The following DLGAP1 variants were observed in gnomAD, a reference collection of about 807,000 sequenced individuals.
DLGAP1 encodes DLG associated protein 1.
Under a neutral mutation model 90.8 loss-of-function variants are expected in DLGAP1, and 11 were observed. The ratio of observed to expected loss-of-function variants is 0.12; its 90% CI spans 0.08 to 0.20. The LOEUF is 0.20. DLGAP1 is among the 10% of genes least tolerant of loss of function. The pLI is 1.00. For synonymous variants in DLGAP1, 558 were observed against 540.7 expected, an observed-to-expected ratio of 1.03 and a Z score of -0.44; for missense variants, 1,050 against 1,333.8, an observed-to-expected ratio of 0.79 and a Z score of 3.31.
At chr18:4,096,855 GTT>G (rs201864773) in intron 2 of DLGAP1, among the ~76,000 whole-genome samples, 5,387 of 152,230 alleles carry the variant, frequency 0.035, 349 homozygotes, top group African/African-American at 0.12. Flanking sequence ...CTGTATTTCA[GTT>G]TACCTAACTA....
intron 1 of DLGAP1, among the ~76,000 whole-genome samples, chr18:4,230,281 T>C (rs2078273164): frequency 6.6e-6 from 1 of 152,134 alleles, no homozygotes; most frequent in Non-Finnish European, 1.5e-5. Context: ...CACTGCTAGA[T>C]ATATTATGCA....
intron 5 of DLGAP1, among the ~76,000 whole-genome samples, chr18:3,757,626 G>A (rs1488870474): frequency 6.6e-6 from 1 of 152,148 alleles, no homozygotes; most frequent in Non-Finnish European, 1.5e-5. Context: ...CCATATTAAG[G>A]AAACAAAGGA....
At chr18:3,563,220 T>C (rs75987914) in intron 9 of DLGAP1, among the ~76,000 whole-genome samples, 778 of 152,348 alleles carry the variant, frequency 5.1e-3, no homozygotes, top group Non-Finnish European at 9.2e-3. Flanking sequence ...AGTTTGAATA[T>C]GATATGCTTA....
intron 9 of DLGAP1, among the ~76,000 whole-genome samples, chr18:3,545,350 C>T (rs556901434): frequency 6.6e-6 from 1 of 151,862 alleles, no homozygotes; most frequent in African/African-American, 2.4e-5. Context: ...TCAAATACTT[C>T]ATACTTTTCC....
intron 3 of DLGAP1, among the ~76,000 whole-genome samples, chr18:4,001,649 G>A (rs9789248): frequency 0.71 from 108,431 of 152,056 alleles, 39,356 homozygotes; most frequent in Non-Finnish European, 0.8. Flanking sequence ...TTGCATCTGC[G>A]TCTTCTTTCT....
chr18:3,862,837 A>G (rs939204283), intron 4 of DLGAP1, among the ~76,000 whole-genome samples: 3 of 152,280 alleles, frequency 2.0e-5, no homozygotes, highest in Non-Finnish European at 4.4e-5. Flanking sequence ...TTAATGCCAC[A>G]CTGTGAGGGC....
At position 4,030,121 on chromosome 18, in the gene DLGAP1, T is replaced by C. The variant is rs981182671; in HGVS notation, c.-158-24920A>G. On this transcript the variant is annotated intron_variant, in intron 2 of 12. Transcript: ENST00000315677. Reference sequence around the variant, plus strand: ...GATTCTCCTGCCTCAGCCTCCCAAATAGCTGATCTCACAGGCATGTGCAAC... The same window carrying C: ...GATTCTCCTGCCTCAGCCTCCCAAACAGCTGATCTCACAGGCATGTGCAAC... Among the ~76,000 whole-genome samples, 8 of 152,242 alleles carry C rather than the reference T, an allele frequency of 5.3e-5. No individual in the cohort carries two copies. The East Asian group carries it at 1.5e-3, about 29-fold the overall frequency.
At chr18:4,211,679 A>G (rs1189723589) in intron 1 of DLGAP1, among the ~76,000 whole-genome samples, 2 of 152,156 alleles carry the variant, frequency 1.3e-5, no homozygotes, top group Non-Finnish European at 2.9e-5. Context: ...AAGATCAGCA[A>G]TCACTCAATT....
chr18:4,118,293 T>A (rs1207821461), intron 2 of DLGAP1, among the ~76,000 whole-genome samples: 1 of 152,182 alleles, frequency 6.6e-6, no homozygotes, highest in Admixed American at 6.5e-5. Context: ...TGAGCAGCAC[T>A]TCTGTTCCAC....
chr18:4,411,434 T>G (rs1337662530), intron 1 of DLGAP1, among the ~76,000 whole-genome samples: 1 of 152,172 alleles, frequency 6.6e-6, no homozygotes, highest in African/African-American at 2.4e-5. Context: ...ATCAGATGGC[T>G]CTTGCTTAGG....
chr18:3,632,113 C>A (rs924229553), intron 7 of DLGAP1, among the ~76,000 whole-genome samples: 1 of 152,106 alleles, frequency 6.6e-6, no homozygotes, highest in Non-Finnish European at 1.5e-5. Context: ...ACTATCAATG[C>A]CCATGCGTCC....
intron 1 of DLGAP1, among the ~76,000 whole-genome samples, chr18:4,368,646 C>T (rs200528882): frequency 8.3e-6 from 1 of 119,780 alleles, no homozygotes; most frequent in South Asian, 3.2e-4. Flanking sequence ...TACACACACA[C>T]ACACACACAC....
intron 4 of DLGAP1, among the ~76,000 whole-genome samples, chr18:3,870,605 C>CATCTATCT (rs67573915): frequency 0.033 from 4,861 of 148,168 alleles, 74 homozygotes; most frequent in Middle Eastern, 0.052. Context: ...TACATAAATA[C>CATCTATCT]ATCTATCTAT....
At chr18:3,547,201 T>G (rs1287496369) in intron 9 of DLGAP1, among the ~76,000 whole-genome samples, 6 of 145,808 alleles carry the variant, frequency 4.1e-5, no homozygotes, top group Non-Finnish European at 7.4e-5. Flanking sequence ...CTCGGGAGGC[T>G]GAGGCAGGAG....
At chr18:4,162,779 G>A (rs2076868234) in intron 1 of DLGAP1, among the ~76,000 whole-genome samples, 1 of 152,102 alleles carries the variant, frequency 6.6e-6, no homozygotes, top group Admixed American at 6.5e-5. Flanking sequence ...AGTCTGAATA[G>A]AAACAGCCAC....
At chr18:3,646,763 A>C (rs967546134) in intron 7 of DLGAP1, among the ~76,000 whole-genome samples, 1 of 151,824 alleles carries the variant, frequency 6.6e-6, no homozygotes, top group African/African-American at 2.4e-5. Flanking sequence ...TCTCTACTAA[A>C]AAATACAAAA....
chr18:3,889,496 C>A (rs1440427617), intron 3 of DLGAP1, among the ~76,000 whole-genome samples: 3 of 151,978 alleles, frequency 2.0e-5, no homozygotes, highest in African/African-American at 7.3e-5. Flanking sequence ...CTCTTCTTAC[C>A]AAGTTTGCTG....
intron 1 of DLGAP1, among the ~76,000 whole-genome samples, chr18:4,279,084 A>C (rs2079488521): frequency 6.6e-6 from 1 of 152,254 alleles, no homozygotes; most frequent in Admixed American, 6.5e-5. Flanking sequence ...CAATGGTTAC[A>C]TGGGCAATAG....
At position 4,272,349 on chromosome 18, in the gene DLGAP1, C is replaced by A. The variant is rs571846281; in HGVS notation, c.-266-121062G>T. On this transcript the variant is annotated intron_variant, in intron 1 of 12. Coordinates refer to ENST00000315677, the MANE Select transcript of DLGAP1 (RefSeq NM_004746.4). ...TCAGTTTATTTTACCTTTTTTTGTT[C>A]TTTGGGTTAAAGCCAGGAGAGATTT... Among the ~76,000 whole-genome samples the A allele has an allele frequency of 8.6e-5, 13 of 151,840 alleles. No homozygotes were observed. The South Asian group carries it at 2.5e-3, about 29-fold the overall frequency.
Sources: allele counts gnomAD v4.1 joint callset (sites outside exome capture counted in the v4.1 genomes callset), GRCh38; gene constraint gnomAD v4.1.1; transcripts MANE v1.5; gene names NCBI Gene and HGNC (gene_info 2026-07-23, HGNC 2026-07-21).